The following DOCK1 variants were observed in gnomAD, a reference collection of about 807,000 sequenced individuals.
DOCK1 encodes dedicator of cytokinesis 1.
DOCK1 carries 138 observed loss-of-function variants against 262.7 expected under a neutral mutation model. The observed-to-expected ratio is 0.53, with a 90% CI of 0.46 to 0.61. The LOEUF is 0.61. Ranked by LOEUF, DOCK1 falls within the 20% of genes least tolerant of loss-of-function variation. DOCK1 has a pLI of 0.00. For synonymous variants in DOCK1, 866 were observed against 867.4 expected (o/e 1.00, Z 0.03); for missense variants, 1,908 against 2,370.7 (o/e 0.80, Z 4.05).
intron 29 of DOCK1, among the ~76,000 whole-genome samples, chr10:127,258,405 T>C (rs2059901854): frequency 6.6e-6 from 1 of 152,266 alleles, no homozygotes; most frequent in Non-Finnish European, 1.5e-5. Context: ...GTATATAAGC[T>C]TTCAGCATGG....
intron 16 of DOCK1, 151 bp from the exon 17 acceptor site, chr10:127,031,499 A>C (rs957975287): frequency 7.2e-6 from 4 of 553,636 alleles, no homozygotes; most frequent in Non-Finnish European, 9.2e-6. Flanking sequence ...AACGTGGTCC[A>C]TTTTTCCATA....
At chr10:127,282,804 G>A (rs1446118856) in intron 29 of DOCK1, among the ~76,000 whole-genome samples, 2 of 152,208 alleles carry the variant, frequency 1.3e-5, no homozygotes, top group African/African-American at 2.4e-5. Context: ...GCGACAACCA[G>A]TTGTCATTTC....
intron 42 of DOCK1, among the ~76,000 whole-genome samples, chr10:127,410,400 G>A (rs892705773): frequency 6.6e-6 from 1 of 152,174 alleles, no homozygotes; most frequent in Admixed American, 6.5e-5. Context: ...AGCCTGCCTC[G>A]TACCCCGACC....
chr10:127,426,149 C>T (rs1468157915), intron 47 of DOCK1, 138 bp downstream of exon 47: 1 of 1,451,226 alleles, frequency 6.9e-7, no homozygotes, highest in Non-Finnish European at 9.3e-7. Flanking sequence ...TGAGGGAGCT[C>T]AGCCCCCTTG....
At chr10:127,404,279 T>C (rs2067385580) in intron 39 of DOCK1, 46 bp from the exon 40 acceptor site, 1 of 1,531,578 alleles carries the variant, frequency 6.5e-7, no homozygotes, top group Non-Finnish European at 8.9e-7. Context: ...GAGGCACACA[T>C]GCTTGAATAC....
intron 38 of DOCK1, among the ~76,000 whole-genome samples, chr10:127,400,503 G>A (rs2067159593): frequency 2.0e-5 from 3 of 152,214 alleles, no homozygotes; most frequent in Admixed American, 1.3e-4. Flanking sequence ...TGGCCATCAG[G>A]AGCAAGGACT....
intron 23 of DOCK1, among the ~76,000 whole-genome samples, chr10:127,067,140 G>C (rs2045927222): frequency 6.6e-6 from 1 of 152,258 alleles, no homozygotes; most frequent in Admixed American, 6.5e-5. Flanking sequence ...AGAATTGGGT[G>C]AGTGTGAAGG....
intron 32 of DOCK1, among the ~76,000 whole-genome samples, chr10:127,360,368 G>A (rs1008228136): frequency 1.1e-5 from 1 of 93,948 alleles, no homozygotes; most frequent in Non-Finnish European, 2.2e-5. Flanking sequence ...CTAGCAGGAG[G>A]GGGAGGGGCT....
chr10:127,018,229 GC>G (rs1444834673), intron 12 of DOCK1, among the ~76,000 whole-genome samples: 1 of 152,180 alleles, frequency 6.6e-6, no homozygotes, highest in Non-Finnish European at 1.5e-5. Context: ...TCCACTGCTC[GC>G]CCAGGTTGTG....
intron 27 of DOCK1, among the ~76,000 whole-genome samples, chr10:127,174,698 G>C (rs1331258121): frequency 6.6e-6 from 1 of 152,150 alleles, no homozygotes; most frequent in Non-Finnish European, 1.5e-5. Flanking sequence ...CACTGTCTAT[G>C]ATGTAAAGCC....
chr10:127,122,198 G>A (rs555338558), intron 25 of DOCK1, among the ~76,000 whole-genome samples: 1 of 152,316 alleles, frequency 6.6e-6, no homozygotes, highest in South Asian at 2.1e-4. Flanking sequence ...TCTCCTAGTG[G>A]CTCTGGGGAA....
intron 1 of DOCK1, among the ~76,000 whole-genome samples, chr10:126,923,290 T>TA (rs2033384593): frequency 1.3e-5 from 2 of 152,180 alleles, no homozygotes; most frequent in South Asian, 4.1e-4. Flanking sequence ...TGCTAGTTAT[T>TA]AAAAGATTGC....
At chr10:127,361,402 CCACA>C (rs2064437814) in intron 32 of DOCK1, among the ~76,000 whole-genome samples, 1 of 152,104 alleles carries the variant, frequency 6.6e-6, no homozygotes, top group African/African-American at 2.4e-5. Flanking sequence ...GCGTGAGCCA[CCACA>C]CCCGGCCTAA....
At position 126,930,638 on chromosome 10, in the gene DOCK1, AG is replaced by A. The variant is rs1449623593; in HGVS notation, c.46+25077del. 2.1e-3 allele frequency among the ~76,000 whole-genome samples: 318 copies of A among 152,306 alleles called. 3 individuals carry two copies. Among genetic ancestry groups the A allele is most frequent in the African/African-American group, 7.4e-3 (309 of 41,584 alleles). ...CTGGAGATTCTGATTCTGTGGTTGA[AG>A]GCCTTGCATGGGCAAGGCCTGGCCT... On this transcript the variant is annotated intron_variant, in intron 1 of 51. Coordinates refer to ENST00000623213, the MANE Select transcript of DOCK1 (RefSeq NM_001290223.2).
intron 33 of DOCK1, among the ~76,000 whole-genome samples, chr10:127,364,024 A>G (rs1030821437): frequency 2.6e-5 from 4 of 152,224 alleles, no homozygotes; most frequent in Admixed American, 1.3e-4. Context: ...GCCTGGCACT[A>G]TAAAAGGTGG....
At chr10:127,243,287 C>A (rs2059325430) in intron 27 of DOCK1, among the ~76,000 whole-genome samples, 1 of 152,206 alleles carries the variant, frequency 6.6e-6, no homozygotes, top group African/African-American at 2.4e-5. Flanking sequence ...AAAGATATGT[C>A]TCATCCTGAG....
chr10:127,094,248 A>T (rs895024789), intron 23 of DOCK1, among the ~76,000 whole-genome samples: 9 of 152,182 alleles, frequency 5.9e-5, no homozygotes, highest in Non-Finnish European at 1.3e-4. Flanking sequence ...TACAATGTCA[A>T]TGTCGATTAA....
intron 1 of DOCK1, among the ~76,000 whole-genome samples, chr10:126,906,104 T>TGCCCCTC (rs771805885): frequency 3.3e-5 from 5 of 152,094 alleles, no homozygotes; most frequent in Non-Finnish European, 7.4e-5. Flanking sequence ...CAGCGCCCCT[T>TGCCCCTC]GCCCCTCGGC....
chr10:127,206,136 C>CTTT (rs34450374), intron 27 of DOCK1, among the ~76,000 whole-genome samples: 4,085 of 79,030 alleles, frequency 0.052, 53 homozygotes, highest in Non-Finnish European at 0.064. Flanking sequence ...TTCTTCTTCT[C>CTTT]TTTTTTTTTT....
Sources: gnomAD v4.1 joint callset for allele counts (sites outside exome capture counted in the v4.1 genomes callset) on GRCh38, gnomAD v4.1.1 for gene constraint, MANE v1.5 for transcripts, NCBI Gene and HGNC (gene_info 2026-07-23, HGNC 2026-07-21) for gene names.